Variants in TGFBI observed in about 807,000 individuals in gnomAD.
The protein encoded by TGFBI is transforming growth factor-beta-induced protein ig-h3.
In TGFBI, 50 loss-of-function variants were observed where a neutral mutation model predicts 73.7. The observed-to-expected ratio is 0.68, with a 90% CI of 0.54 to 0.86. The LOEUF is 0.86. TGFBI is among the 40% of genes least tolerant of loss of function. The pLI is 0.00. For missense variants in TGFBI, 839 were observed against 877.0 expected, an observed-to-expected ratio of 0.96 and a Z score of 0.55; for synonymous variants, 362 against 360.5, an observed-to-expected ratio of 1.00 and a Z score of -0.05.
At chr5:136,044,329 C>T (rs1252730623) in intron 3 of TGFBI, among the ~76,000 whole-genome samples, 5 of 152,270 alleles carry the variant, frequency 3.3e-5, no homozygotes, top group Non-Finnish European at 1.5e-5. Flanking sequence ...AGCTGCTCCT[C>T]CTGGCCTCCT....
At chr5:136,063,164 G>T (rs369133692) in intron 16 of TGFBI, 22 bp from the exon 17 acceptor site, 25 of 1,611,820 alleles carry the variant, frequency 1.6e-5, no homozygotes, top group Non-Finnish European at 2.0e-5. Context: ...CCTATTTGAC[G>T]TTACCAACTT....
intron 3 of TGFBI, 112 bp from the exon 4 acceptor site, chr5:136,046,223 C>T: frequency 7.7e-7 from 1 of 1,306,552 alleles, no homozygotes; most frequent in South Asian, 1.5e-5. Flanking sequence ...TTCCCACATG[C>T]CTCCTCGTCC....
chr5:136,032,607 A>G (rs1466547078), intron 1 of TGFBI, among the ~76,000 whole-genome samples: 2 of 152,218 alleles, frequency 1.3e-5, no homozygotes, highest in Admixed American at 1.3e-4. Flanking sequence ...TTTGGGTGAT[A>G]CCTGAAGTTC....
intron 4 of TGFBI, 102 bp downstream of exon 4, chr5:136,046,597 T>C: frequency 7.1e-7 from 1 of 1,399,660 alleles, no homozygotes; most frequent in East Asian, 2.5e-5. Flanking sequence ...TTTCCTACTG[T>C]TTCAGGAAGC....
rs539008520 is a variant in TGFBI at position 136,055,723 on chromosome 5, G to T, written c.1454G>T (p.Arg485Met). 2 of 1,611,116 alleles carry T rather than the reference G, an allele frequency of 1.2e-6. No individual in the cohort carries two copies. Among genetic ancestry groups the T allele is most frequent in the Non-Finnish European group, 1.7e-6 (2 of 1,177,766 alleles). The change falls in exon 11 of 17, where the codon AGG becomes ATG. Residue 485 changes from arginine (R) to methionine (M), a missense_variant. By Grantham distance (91) the Arg-to-Met change is moderately conservative. Transcript: ENST00000442011. ...ENSCIAAHDK[R>M]GRYGTLFTMD... ...AGCTGCATCGCGGCCCACGACAAGA[G>T]GGGGAGGTACGGGACCCTGTTCACG...
At chr5:136,043,946 A>T in intron 2 of TGFBI, 112 bp from the exon 3 acceptor site, 1 of 835,036 alleles carries the variant, frequency 1.2e-6, no homozygotes, top group African/African-American at 1.7e-5. Context: ...AGAGTGTTTC[A>T]CCCACCATTC....
At chr5:136,037,011 G>A (rs905686460) in intron 2 of TGFBI, among the ~76,000 whole-genome samples, 1 of 152,168 alleles carries the variant, frequency 6.6e-6, no homozygotes, top group Admixed American at 6.5e-5. Flanking sequence ...TACAGGAGCC[G>A]ACCTGGTGAG....
chr5:136,053,236 G>C, intron 8 of TGFBI, 117 bp downstream of exon 8: 1 of 926,732 alleles, frequency 1.1e-6, no homozygotes. Flanking sequence ...CCTGGACCCA[G>C]CTCACAGCTT....
intron 6 of TGFBI, chr5:136,047,747 T>G: frequency 3.5e-6 from 1 of 282,688 alleles, no homozygotes; most frequent in Non-Finnish European, 6.7e-6. Context: ...CCACATGGGG[T>G]ACTAGAATAA....
chr5:136,062,611 G>T, intron 15 of TGFBI, 52 bp from the exon 16 acceptor site: 1 of 1,544,424 alleles, frequency 6.5e-7, no homozygotes, highest in Non-Finnish European at 8.8e-7. Context: ...GTCATAAGCA[G>T]TTGCAGGTAT....
chr5:136,058,727 C>G lies in TGFBI; in HGVS notation c.1679-363C>G, dbSNP rs374610432. On this transcript the variant is annotated intron_variant, in intron 12 of 16. Transcript: ENST00000442011. ...CCAGATGCCGGTGCTGGAAAGGTCC[C>G]TGGCTTTCCAAGCAAATATTTATCT... is the stretch of plus-strand genomic sequence containing the variant. 1.7e-5 allele frequency: 3 copies of G among 171,704 alleles called. No homozygotes were observed. The Admixed American group carries it at 1.8e-4, about 10-fold the overall frequency. 10.6% of individuals were successfully genotyped at this position (171,704 alleles called of 1,614,324 possible). A position where few individuals can be genotyped will look rare whatever the true frequency, so the allele number is the denominator to read the frequency against.
rs562865420 is a variant in TGFBI at position 136,059,237 on chromosome 5, G to T, written c.1803+23G>T. On this transcript the variant is annotated intron_variant, in intron 13 of 16. Coordinates refer to ENST00000442011, the MANE Select transcript of TGFBI (RefSeq NM_000358.3). ...TTGGTAAGTGTCCTGCAAATCAAAGGCTGGCTAAATTTCCCCAGGGCAGGG... is the reference window on the plus strand; with the variant it reads ...TTGGTAAGTGTCCTGCAAATCAAAGTCTGGCTAAATTTCCCCAGGGCAGGG... 6.3e-5 allele frequency: 101 copies of T among 1,606,324 alleles called. No homozygotes were observed. In the South Asian group the frequency reaches 9.3e-4, roughly 15 times the overall value.
At chr5:136,043,963 C>T in intron 2 of TGFBI, 95 bp from the exon 3 acceptor site, 1 of 1,009,820 alleles carries the variant, frequency 9.9e-7, no homozygotes, top group African/African-American at 1.6e-5. Context: ...ATTCCTCTTC[C>T]TTGGCTGTGG....
At chr5:136,055,498 G>T in intron 10 of TGFBI, 182 bp from the exon 11 acceptor site, 1 of 515,416 alleles carries the variant, frequency 1.9e-6, no homozygotes. Flanking sequence ...CCTTAAGGAA[G>T]ACCATTTATT....
chr5:136,044,077 T>C lies in TGFBI; in HGVS notation c.253T>C (p.Cys85Arg), dbSNP rs1321222437. ...GKSTVISYEC[C>R]PGYEKVPGEK... ...TTACAGAGTCATCAGCTACGAGTGC[T>C]GTCCTGGATATGAAAAGGTCCCTGG... is the stretch of plus-strand genomic sequence containing the variant. Residue 85 changes from cysteine to arginine, a missense_variant, in exon 3 of 17, where the codon TGT (cysteine) becomes CGT (arginine). By Grantham distance (180) the Cys-to-Arg change is radical. Coordinates refer to ENST00000442011, the MANE Select transcript of TGFBI (RefSeq NM_000358.3). The C allele has an allele frequency of 6.2e-7, 1 of 1,613,244 alleles. No homozygotes were observed. Among genetic ancestry groups the C allele is most frequent in the Non-Finnish European group, 8.5e-7 (1 of 1,179,538 alleles).
Position 136,029,172 on chromosome 5 carries a change from C to G in TGFBI, c.117C>G (p.Leu39=). ...AGCTGGTGCTGCAGCACAGCAGGCT[C>G]CGGGGCCGCCAGCACGGGTAAGCCG... ...PYQLVLQHSR[L]RGRQHGPNVC... Residue 39 remains leucine (L), a synonymous_variant, in exon 1 of 17, where the codon CTC becomes CTG. Coordinates refer to ENST00000442011, the MANE Select transcript of TGFBI (RefSeq NM_000358.3). The G allele has an allele frequency of 6.6e-7, 1 of 1,511,762 alleles. No homozygotes were observed. Among genetic ancestry groups the G allele is most frequent in the Middle Eastern group, 2.3e-4 (1 of 4,374 alleles). The allele number at this position is 1,511,762 out of a possible 1,614,324, so 93.6% of individuals were successfully genotyped here.
intron 2 of TGFBI, among the ~76,000 whole-genome samples, chr5:136,037,668 G>T (rs1751252506): frequency 6.6e-6 from 1 of 152,178 alleles, no homozygotes; most frequent in South Asian, 2.1e-4. Flanking sequence ...TCACAAGTGC[G>T]AAGCCCTTCT....
At chr5:136,050,697 C>A (rs549930996) in intron 7 of TGFBI, among the ~76,000 whole-genome samples, 4 of 152,282 alleles carry the variant, frequency 2.6e-5, no homozygotes, top group African/African-American at 9.6e-5. Context: ...TTAAACCCAC[C>A]GTGTCAATGT....
chr5:136,053,878 G>T, intron 8 of TGFBI, 65 bp from the exon 9 acceptor site: 1 of 1,602,760 alleles, frequency 6.2e-7, no homozygotes, highest in South Asian at 1.1e-5. Flanking sequence ...CATGCCCTGG[G>T]GTGGATGAAT....
Sources: gnomAD v4.1 joint callset for allele counts (sites outside exome capture counted in the v4.1 genomes callset) on GRCh38, gnomAD v4.1.1 for gene constraint, MANE v1.5 for transcripts, NCBI Gene and HGNC (gene_info 2026-07-23, HGNC 2026-07-21) for gene names.